Variants in BCAR3 observed in about 807,000 individuals in gnomAD.
BCAR3 encodes BCAR3 adaptor protein, NSP family member, also known as breast cancer anti-estrogen resistance protein 3.
BCAR3 carries 37 observed loss-of-function variants against 80.1 expected under a neutral mutation model. The ratio of observed to expected loss-of-function variants is 0.46; its 90% CI spans 0.36 to 0.61. The LOEUF (loss-of-function observed/expected upper bound fraction) is 0.61. BCAR3 is among the 20% of genes least tolerant of loss of function. The pLI, the probability that BCAR3 is intolerant of heterozygous loss-of-function variation, is 0.00. For missense variants in BCAR3, 978 were observed against 1,068.2 expected, an observed-to-expected ratio of 0.92 and a Z score of 1.18; for synonymous variants, 389 against 418.9, an observed-to-expected ratio of 0.93 and a Z score of 0.87.
intron 2 of BCAR3, among the ~76,000 whole-genome samples, chr1:93,727,126 C>G (rs1033051317): frequency 2.6e-5 from 4 of 152,266 alleles, no homozygotes; most frequent in Middle Eastern, 3.4e-3. Context: ...TCATTGTAAG[C>G]CTGCATTGTC....
rs896469887 is a variant in BCAR3, at chr1:93,561,998, T to G, written c.*243A>C. ...ACATAGCTAGGTCTTCTCTTAAATT[T>G]GCTGATCAACATTAGCAGTAGTTAC... is the stretch of plus-strand genomic sequence containing the variant. On this transcript the variant is annotated 3_prime_UTR_variant, in exon 12 of 12. Transcript: ENST00000260502. 5.9e-6 allele frequency: 2 copies of G among 336,714 alleles called. No homozygotes were observed. The highest frequency in any genetic ancestry group is 1.0e-5 in the Non-Finnish European group (2 of 190,824). The allele number at this position is 336,714 out of a possible 1,614,324, so 20.9% of individuals were successfully genotyped here.
At chr1:93,819,076 T>C (rs1654115331) in intron 2 of BCAR3, among the ~76,000 whole-genome samples, 1 of 152,248 alleles carries the variant, frequency 6.6e-6, no homozygotes, top group African/African-American at 2.4e-5. Flanking sequence ...TGTCCTTTTT[T>C]TTTTTTTCTG....
intron 11 of BCAR3, among the ~76,000 whole-genome samples, chr1:93,565,974 T>G (rs1238485895): frequency 6.6e-6 from 1 of 152,228 alleles, no homozygotes; most frequent in Non-Finnish European, 1.5e-5. Context: ...ATGGTCTTTC[T>G]GCCAGCAAAC....
At chr1:93,726,074 T>G (rs1465368812) in intron 2 of BCAR3, among the ~76,000 whole-genome samples, 2 of 152,228 alleles carry the variant, frequency 1.3e-5, no homozygotes, top group African/African-American at 2.4e-5. Context: ...TTTTTTTGTT[T>G]TTTTGTTTTT....
chr1:93,618,917 G>A (rs1363943101), intron 3 of BCAR3, among the ~76,000 whole-genome samples: 1 of 148,700 alleles, frequency 6.7e-6, no homozygotes, highest in Non-Finnish European at 1.5e-5. Flanking sequence ...CCAGCCTGAA[G>A]CCGTGGGTTT....
At chr1:93,579,274 G>A (rs1337513701) in intron 7 of BCAR3, among the ~76,000 whole-genome samples, 1 of 152,240 alleles carries the variant, frequency 6.6e-6, no homozygotes, top group African/African-American at 2.4e-5. Context: ...ACTTGGGATA[G>A]GAAACAACAG....
intron 2 of BCAR3, among the ~76,000 whole-genome samples, chr1:93,645,456 T>C (rs572476609): frequency 2.0e-5 from 3 of 152,296 alleles, no homozygotes; most frequent in Admixed American, 1.3e-4. Flanking sequence ...AGGGTCGACC[T>C]GCAAACTATA....
intron 3 of BCAR3, chr1:93,613,906 G>A (rs1474455033): frequency 3.4e-5 from 52 of 1,550,444 alleles, no homozygotes; most frequent in Non-Finnish European, 4.5e-5. Flanking sequence ...GAGAGGGCGT[G>A]GAAAGCACTG....
At chr1:93,599,996 C>A (rs908536849) in intron 3 of BCAR3, among the ~76,000 whole-genome samples, 6 of 152,204 alleles carry the variant, frequency 3.9e-5, no homozygotes, top group African/African-American at 1.2e-4. Context: ...CAACCTGCCA[C>A]CTACAATACC....
intron 2 of BCAR3, among the ~76,000 whole-genome samples, chr1:93,799,012 A>G (rs1171396353): frequency 6.6e-6 from 1 of 152,234 alleles, no homozygotes; most frequent in African/African-American, 2.4e-5. Context: ...ATCAGTTGAC[A>G]GAAAAATATT....
intron 1 of BCAR3, chr1:93,845,792 T>C (rs1655154449): frequency 6.6e-6 from 1 of 152,172 alleles, no homozygotes; most frequent in South Asian, 2.1e-4. Flanking sequence ...TCTTCTGTAA[T>C]GCAACCCATC....
At chr1:93,573,633 ATTT>A (rs1156233219) in intron 8 of BCAR3, among the ~76,000 whole-genome samples, 306 of 138,264 alleles carry the variant, frequency 2.2e-3, no homozygotes, top group African/African-American at 6.6e-3. Context: ...TATTATTATT[ATTT>A]TTTTTTTTTT....
chr1:93,566,798 G>C (rs891025290), intron 11 of BCAR3, among the ~76,000 whole-genome samples: 1 of 152,182 alleles, frequency 6.6e-6, no homozygotes, highest in Non-Finnish European at 1.5e-5. Flanking sequence ...TGCGATCTCG[G>C]CTCACTGCAA....
At chr1:93,716,893 A>G (rs1650208260) in intron 2 of BCAR3, among the ~76,000 whole-genome samples, 1 of 152,226 alleles carries the variant, frequency 6.6e-6, no homozygotes, top group Non-Finnish European at 1.5e-5. Flanking sequence ...GCACTCAGGC[A>G]GGGAGATGCA....
intron 2 of BCAR3, among the ~76,000 whole-genome samples, chr1:93,744,504 G>A (rs1651286851): frequency 3.3e-5 from 5 of 152,212 alleles, no homozygotes; most frequent in Admixed American, 3.3e-4. Flanking sequence ...CCACCAATCT[G>A]TATTGTATGA....
chr1:93,646,177 T>C (rs1411351110), intron 2 of BCAR3, among the ~76,000 whole-genome samples: 4 of 152,200 alleles, frequency 2.6e-5, no homozygotes, highest in Non-Finnish European at 5.9e-5. Flanking sequence ...CCCTATAAAG[T>C]TTGAATTAGA....
chr1:93,672,997 C>T (rs1648290404), intron 2 of BCAR3, among the ~76,000 whole-genome samples: 1 of 152,202 alleles, frequency 6.6e-6, no homozygotes, highest in Admixed American at 6.5e-5. Flanking sequence ...GCCAAACTTG[C>T]TCCCATCTCC....
intron 2 of BCAR3, among the ~76,000 whole-genome samples, chr1:93,755,835 C>G (rs556394706): frequency 6.6e-6 from 1 of 152,296 alleles, no homozygotes; most frequent in African/African-American, 2.4e-5. Context: ...TTAAAATTAT[C>G]TAAGATAATA....
intron 2 of BCAR3, among the ~76,000 whole-genome samples, chr1:93,643,561 A>G (rs1205931290): frequency 6.8e-6 from 1 of 146,016 alleles, no homozygotes; most frequent in African/African-American, 2.5e-5. Flanking sequence ...AAAAAAAAAA[A>G]AAAAAAAAAA....
Sources: allele counts gnomAD v4.1 joint callset (sites outside exome capture counted in the v4.1 genomes callset), GRCh38; gene constraint gnomAD v4.1.1; transcripts MANE v1.5; gene names NCBI Gene and HGNC (gene_info 2026-07-23, HGNC 2026-07-21).